Variants in GRIP1 observed in about 807,000 individuals in gnomAD.
The protein encoded by GRIP1 is glutamate receptor interacting protein 1, also known as glutamate receptor-interacting protein 1.
GRIP1 carries 45 observed loss-of-function variants against 129.9 expected under a neutral mutation model. The observed-to-expected ratio is 0.35, with a 90% CI of 0.27 to 0.44. The LOEUF (loss-of-function observed/expected upper bound fraction) is 0.44, where lower values mean the gene tolerates loss of function less well. GRIP1 is among the 20% of genes least tolerant of loss of function. The pLI is 1.00. For missense variants in GRIP1, 1,196 were observed against 1,396.8 expected (o/e 0.86, Z 2.29); for synonymous variants, 530 against 520.8 (o/e 1.02, Z -0.24).
At chr12:66,972,155 T>C (rs1936410287) in intron 1 of GRIP1, among the ~76,000 whole-genome samples, 2 of 152,216 alleles carry the variant, frequency 1.3e-5, no homozygotes, top group Admixed American at 1.3e-4. Context: ...TGTCTTCATC[T>C]GCAGTAAAAG....
chr12:66,464,082 A>T (rs60150269), intron 8 of GRIP1, among the ~76,000 whole-genome samples: 2,066 of 152,296 alleles, frequency 0.014, 53 homozygotes, highest in African/African-American at 0.047. Flanking sequence ...CACGTGGAGA[A>T]GAGGGCTGGA....
intron 1 of GRIP1, among the ~76,000 whole-genome samples, chr12:66,718,934 C>A (rs766642726): frequency 1.3e-5 from 2 of 152,022 alleles, no homozygotes; most frequent in Non-Finnish European, 2.9e-5. Flanking sequence ...ATGTTTCCTA[C>A]ATATTTTTGT....
intron 1 of GRIP1, among the ~76,000 whole-genome samples, chr12:66,735,112 C>T (rs2036552090): frequency 6.6e-6 from 1 of 152,132 alleles, no homozygotes; most frequent in East Asian, 1.9e-4. Flanking sequence ...AAATGCTTGT[C>T]CTCACAGCAG....
At chr12:66,928,094 G>A (rs771638226) in intron 1 of GRIP1, among the ~76,000 whole-genome samples, 80 of 152,174 alleles carry the variant, frequency 5.3e-4, no homozygotes, top group Admixed American at 1.4e-3. Context: ...TCTGCGCTCC[G>A]GACTTCAGTT....
intron 5 of GRIP1, 118 bp downstream of exon 5, chr12:66,529,713 A>G: frequency 2.7e-6 from 2 of 735,778 alleles, no homozygotes; most frequent in Non-Finnish European, 4.9e-6. Context: ...GTGCACCAAA[A>G]TCTCACAAAT....
intron 1 of GRIP1, among the ~76,000 whole-genome samples, chr12:66,621,071 C>T (rs980894430): frequency 1.8e-4 from 27 of 152,162 alleles, no homozygotes; most frequent in Admixed American, 1.4e-3. Context: ...CAAAGCAGAG[C>T]GATTTCATTT....
At chr12:66,695,565 A>G (rs954250485) in intron 1 of GRIP1, among the ~76,000 whole-genome samples, 85 of 152,174 alleles carry the variant, frequency 5.6e-4, no homozygotes, top group African/African-American at 2.0e-3. Context: ...GTAGGAGGTT[A>G]TCTTATCCAA....
intron 1 of GRIP1, among the ~76,000 whole-genome samples, chr12:66,915,284 C>T (rs575074696): frequency 6.6e-6 from 1 of 152,260 alleles, no homozygotes; most frequent in South Asian, 2.1e-4. Flanking sequence ...CTAGAAAATG[C>T]CAAACTGTTT....
intron 19 of GRIP1, among the ~76,000 whole-genome samples, chr12:66,382,106 G>A (rs922617610): frequency 6.6e-6 from 1 of 152,180 alleles, no homozygotes; most frequent in Admixed American, 6.5e-5. Flanking sequence ...GGGCATGGTG[G>A]CGCATGCCAG....
intron 1 of GRIP1, among the ~76,000 whole-genome samples, chr12:66,976,569 A>G (rs1014188266): frequency 1.3e-4 from 20 of 152,098 alleles, no homozygotes; most frequent in Non-Finnish European, 2.8e-4. Context: ...TGTGACATGT[A>G]TATCATATCA....
intron 1 of GRIP1, among the ~76,000 whole-genome samples, chr12:66,734,868 A>G (rs1692777409): frequency 6.6e-6 from 1 of 152,238 alleles, no homozygotes; most frequent in African/African-American, 2.4e-5. Context: ...ATCTCTTATA[A>G]AAGTGATTTT....
intron 2 of GRIP1, among the ~76,000 whole-genome samples, chr12:66,579,153 C>A (rs2063269735): frequency 6.6e-6 from 1 of 152,222 alleles, no homozygotes; most frequent in South Asian, 2.1e-4. Context: ...CAAACAGGGT[C>A]TGGAGTGGAC....
chr12:66,485,648 G>A (rs1489940708), intron 7 of GRIP1, among the ~76,000 whole-genome samples: 9 of 151,690 alleles, frequency 5.9e-5, no homozygotes, highest in African/African-American at 1.2e-4. Flanking sequence ...TAAAGTCATC[G>A]TGATGCTCTC....
chr12:66,378,166 G>T (rs569618036), intron 20 of GRIP1, among the ~76,000 whole-genome samples: 1 of 152,270 alleles, frequency 6.6e-6, no homozygotes, highest in East Asian at 1.9e-4. Context: ...GAGGGGCCCA[G>T]TGCAGTGGCT....
chr12:66,779,681 G>A (rs895845475), intron 1 of GRIP1, among the ~76,000 whole-genome samples: 2 of 152,214 alleles, frequency 1.3e-5, no homozygotes, highest in African/African-American at 2.4e-5. Context: ...GAACATCTGT[G>A]TAACAGGTAC....
intron 1 of GRIP1, among the ~76,000 whole-genome samples, chr12:66,879,559 G>A (rs2040439161): frequency 6.6e-6 from 1 of 152,052 alleles, no homozygotes; most frequent in Admixed American, 6.6e-5. Flanking sequence ...TCTCCAAACA[G>A]CACTCAGAAT....
intron 1 of GRIP1, among the ~76,000 whole-genome samples, chr12:66,851,748 G>A (rs2039915654): frequency 6.6e-6 from 1 of 152,080 alleles, no homozygotes; most frequent in South Asian, 2.1e-4. Flanking sequence ...GCCTCTGATA[G>A]TGTATGGCTA....
chr12:66,773,666 C>A (rs894428370), intron 1 of GRIP1, among the ~76,000 whole-genome samples: 1 of 152,044 alleles, frequency 6.6e-6, no homozygotes, highest in Non-Finnish European at 1.5e-5. Flanking sequence ...TGTAACAAAC[C>A]TGCACATTCT....
chr12:66,487,039 A>C (rs1493482), intron 7 of GRIP1, among the ~76,000 whole-genome samples: 128,615 of 152,088 alleles, frequency 0.85, 54,843 homozygotes, highest in Middle Eastern at 0.97. Context: ...GATCCTCCCA[A>C]CTCAGCCTCC....
Sources: gnomAD v4.1 joint callset for allele counts (sites outside exome capture counted in the v4.1 genomes callset) on GRCh38, gnomAD v4.1.1 for gene constraint, MANE v1.5 for transcripts, NCBI Gene and HGNC (gene_info 2026-07-23, HGNC 2026-07-21) for gene names.